PCDHGB7: variants seen among roughly 807,000 people sequenced by gnomAD.
The protein encoded by PCDHGB7 is protocadherin gamma subfamily B, 7, also known as protocadherin gamma-B7.
PCDHGB7 carries 37 observed loss-of-function variants against 61.4 expected under a neutral mutation model. That is an observed-to-expected ratio of 0.60 (90% CI 0.46 to 0.79). PCDHGB7 has a LOEUF of 0.79. Among genes scored for constraint, PCDHGB7 ranks in the 30% least tolerant of loss-of-function variants. The probability of loss-of-function intolerance (pLI) is 0.00; values close to 1 mark genes in which losing one functional copy is unlikely to be tolerated. For missense variants in PCDHGB7, 1,166 were observed against 1,202.5 expected (o/e 0.97, Z 0.45); for synonymous variants, 464 against 503.5 (o/e 0.92, Z 1.05).
At chr5:141,427,570 C>T (rs1487817661) in intron 1 of PCDHGB7, 1 of 662,270 alleles carries the variant, frequency 1.5e-6, no homozygotes, top group Admixed American at 2.1e-5. Context: ...GGCAAGCCTC[C>T]GCTCTCATCC....
chr5:141,436,842 T>G (rs986680968), intron 1 of PCDHGB7, among the ~76,000 whole-genome samples: 3 of 152,376 alleles, frequency 2.0e-5, no homozygotes, highest in African/African-American at 7.2e-5. Flanking sequence ...CCTAGGCACA[T>G]TCTTGATTGA....
At chr5:141,433,481 G>C (rs2097613311) in intron 1 of PCDHGB7, among the ~76,000 whole-genome samples, 1 of 152,046 alleles carries the variant, frequency 6.6e-6, no homozygotes, top group African/African-American at 2.4e-5. Flanking sequence ...CTAGCCTCCT[G>C]CTTCTCCCTC....
chr5:141,423,195 G>C, intron 1 of PCDHGB7: 14 of 1,613,544 alleles, frequency 8.7e-6, no homozygotes, highest in Non-Finnish European at 1.2e-5. Flanking sequence ...CCCCTCTCTC[G>C]GCCACCGTCA....
rs2099394923 is a variant in PCDHGB7 at position 141,476,611 on chromosome 5, A to G, written c.2416-18196A>G. On this transcript the variant is annotated intron_variant, in intron 1 of 3. Coordinates refer to ENST00000398594, the MANE Select transcript of PCDHGB7 (RefSeq NM_018927.4). The surrounding 1 kb of genome is among the most constrained non-coding windows in gnomAD (Gnocchi z 7.6). ...AGAGCGCGCACGATCCCGATGTGGG[A>G]AGCAACTCTTTACAAACCTATGAGC... 6.2e-7 allele frequency: 1 copy of G among 1,614,092 alleles called. No individual in the cohort carries two copies. Among genetic ancestry groups the G allele is most frequent in the Non-Finnish European group, 8.5e-7 (1 of 1,180,042 alleles).
intron 1 of PCDHGB7, among the ~76,000 whole-genome samples, chr5:141,458,079 C>G (rs1016889225): frequency 6.6e-6 from 1 of 152,186 alleles, no homozygotes; most frequent in Non-Finnish European, 1.5e-5. Context: ...AACTATATTG[C>G]CGTAAGTTAA....
intron 1 of PCDHGB7, 144 bp from the exon 2 acceptor site, chr5:141,494,663 G>A: frequency 6.7e-7 from 1 of 1,499,356 alleles, no homozygotes; most frequent in Non-Finnish European, 9.0e-7. Flanking sequence ...TGTCTTTGGA[G>A]ATGAGTCCAC....
chr5:141,443,308 C>T (rs1484035480), intron 1 of PCDHGB7, among the ~76,000 whole-genome samples: 7 of 136,252 alleles, frequency 5.1e-5, no homozygotes, highest in African/African-American at 2.2e-4. Context: ...TGGCAAAAAC[C>T]CATCTCTACA....
rs192747939 is a variant in PCDHGB7 at position 141,487,483 on chromosome 5, T to A, written c.2416-7324T>A. ...TTGTTGATGTGGGAGGCCACTCTCA[T>A]GGCTGTACACCCTTGGCTTCTGCAC... On this transcript the variant is annotated intron_variant, in intron 1 of 3. Transcript: ENST00000398594. This position sits in a 1 kb window ranked among gnomAD's most constrained non-coding sequence, Gnocchi z 5.0. 1 of 1,614,224 alleles carries A rather than the reference T, an allele frequency of 6.2e-7. No individual in the cohort carries two copies. The highest frequency in any genetic ancestry group is 1.1e-5 in the South Asian group (1 of 91,084).
At chr5:141,503,675 T>C (rs1233495836) in intron 2 of PCDHGB7, among the ~76,000 whole-genome samples, 1 of 152,104 alleles carries the variant, frequency 6.6e-6, no homozygotes. Flanking sequence ...CTTCCCACTT[T>C]TGGGAAGGAG....
intron 1 of PCDHGB7, chr5:141,479,537 T>C (rs1299169562): frequency 6.6e-6 from 1 of 152,230 alleles, no homozygotes; most frequent in Non-Finnish European, 1.5e-5. Context: ...GTGGAGAAGG[T>C]CAAAACTGCT....
At chr5:141,455,860 ATTATTTATTTATTTATTTATTTAT>A (rs145569377) in intron 1 of PCDHGB7, among the ~76,000 whole-genome samples, 10 of 139,848 alleles carry the variant, frequency 7.2e-5, no homozygotes, top group Admixed American at 5.1e-4. Flanking sequence ...AATTTCTTTT[ATTATTTATTTATTTATTTATTTAT>A]TTATTTATTT....
chr5:141,500,184 T>TTTTATTTA (rs58019021), intron 2 of PCDHGB7, among the ~76,000 whole-genome samples: 1,392 of 135,954 alleles, frequency 0.01, 12 homozygotes, highest in South Asian at 0.02. Flanking sequence ...TCATTTTTAT[T>TTTTATTTA]TTTATTTATT....
Position 141,418,955 on chromosome 5 carries a change from G to C in PCDHGB7, c.1096G>C (p.Val366Leu). 4 of 1,614,050 alleles carry C rather than the reference G, an allele frequency of 2.5e-6. No individual in the cohort carries two copies. The highest frequency in any genetic ancestry group is 3.4e-6 in the Non-Finnish European group (4 of 1,179,900). ...IMEDSPPGVV[V>L]ALFKTRDQDS... ...GGAGGATTCCCCTCCAGGAGTGGTT[G>C]TTGCCCTCTTCAAAACACGGGACCA... The change falls in exon 1 of 4, where the codon GTT becomes CTT. Residue 366 changes from valine (V) to leucine (L), a missense_variant. Val to Leu is a conservative substitution (Grantham distance 32, BLOSUM62 1). Coordinates refer to ENST00000398594, the MANE Select transcript of PCDHGB7 (RefSeq NM_018927.4).
rs1167955962 is a variant in PCDHGB7, at chr5:141,477,078, A to G, written c.2416-17729A>G. ...GAGGACACCAAACTCCATGAGATTT[A>G]CATCCAGGCCAAAGACAAGGGCGCC... On this transcript the variant is annotated intron_variant, in intron 1 of 3. Transcript: ENST00000398594. This position sits in a 1 kb window ranked among gnomAD's most constrained non-coding sequence, Gnocchi z 4.9. The G allele has an allele frequency of 6.8e-6, 11 of 1,614,262 alleles. No individual in the cohort carries two copies. In the South Asian group the frequency reaches 1.2e-4, roughly 18 times the overall value.
rs1382842280 is a variant in PCDHGB7 at position 141,420,029 on chromosome 5, G to T, written c.2170G>T (p.Gly724Ter). ...GCGACAGTCTTTCAGCCCTACTGCA[G>T]GAGACTGCTTTGAGTCAGTTCTCTG... ...RLRQSFSPTA[G>*]DCFESVLCSK... Residue 724 changes from glycine to a stop codon, truncating the protein, a stop_gained, in exon 1 of 4, where the codon GGA becomes TGA. Transcript: ENST00000398594. LOFTEE classifies it high-confidence loss of function. 1.2e-6 allele frequency: 2 copies of T among 1,614,082 alleles called. No individual in the cohort carries two copies. Among genetic ancestry groups the T allele is most frequent in the Non-Finnish European group, 1.7e-6 (2 of 1,179,910 alleles).
At chr5:141,481,472 A>G (rs2099538174) in intron 1 of PCDHGB7, among the ~76,000 whole-genome samples, 1 of 152,246 alleles carries the variant, frequency 6.6e-6, no homozygotes, top group Non-Finnish European at 1.5e-5. Context: ...CCATTGGATT[A>G]TACACTTTAA....
Position 141,421,318 on chromosome 5 carries a change from C to T in PCDHGB7, c.2415+1044C>T, listed in dbSNP as rs370020854. 5.6e-6 allele frequency: 9 copies of T among 1,613,824 alleles called. No homozygotes were observed. In the East Asian group the frequency reaches 2.0e-4, roughly 36 times the overall value. On this transcript the variant is annotated intron_variant, in intron 1 of 3. Coordinates refer to ENST00000398594, the MANE Select transcript of PCDHGB7 (RefSeq NM_018927.4). ...GACGCTGCGGGGGTTCCGGGCCAGG[C>T]AGATCCGATATTCGGTGCCAGAAGA...
At position 141,490,409 on chromosome 5, in the gene PCDHGB7, C is replaced by G; in HGVS notation, c.2416-4398C>G. On this transcript the variant is annotated intron_variant, in intron 1 of 3. Transcript: ENST00000398594. The surrounding 1 kb of genome is among the most constrained non-coding windows in gnomAD (Gnocchi z 5.4). ...AATGGTGAAGTGAGCCTTGATATCT[C>G]TCCGGACCTGCCATTTCAGATTAAG... 1 of 1,614,202 alleles carries G rather than the reference C, an allele frequency of 6.2e-7. No homozygotes were observed. Among genetic ancestry groups the G allele is most frequent in the Non-Finnish European group, 8.5e-7 (1 of 1,180,038 alleles).
intron 3 of PCDHGB7, among the ~76,000 whole-genome samples, chr5:141,508,616 G>T (rs1007206932): frequency 6.6e-6 from 1 of 152,114 alleles, no homozygotes; most frequent in African/African-American, 2.4e-5. Flanking sequence ...ATAGGACGTG[G>T]GTGGGCCGAG....
Sources: allele counts gnomAD v4.1 joint callset (sites outside exome capture counted in the v4.1 genomes callset), GRCh38; gene constraint gnomAD v4.1.1; non-coding constraint Gnocchi (gnomAD v3.1); transcripts MANE v1.5; gene names NCBI Gene and HGNC (gene_info 2026-07-23, HGNC 2026-07-21).